ARHGEF9: variants seen among roughly 807,000 people sequenced by gnomAD.
The protein encoded by ARHGEF9 is rho guanine nucleotide exchange factor 9.
ARHGEF9 carries 2 observed loss-of-function variants against 41.3 expected under a neutral mutation model. That is an observed-to-expected ratio of 0.05 (90% CI 0.02 to 0.15). The LOEUF is 0.15. Among genes scored for constraint, ARHGEF9 ranks in the 10% least tolerant of loss-of-function variants. The pLI, the probability that ARHGEF9 is intolerant of heterozygous loss-of-function variation, is 1.00. For synonymous variants in ARHGEF9, 160 were observed against 154.4 expected (o/e 1.04, Z -0.27); for missense variants, 225 against 424.7 (o/e 0.53, Z 4.13).
intron 8 of ARHGEF9, among the ~76,000 whole-genome samples, chrX:63,654,796 T>A (rs1226015009): frequency 4.5e-5 from 5 of 111,839 alleles, no homozygotes; most frequent in African/African-American, 1.6e-4. Flanking sequence ...GTATTTTTTA[T>A]GACAGAAAGG....
At chrX:63,770,962 A>C (rs1556454461) in intron 1 of ARHGEF9, among the ~76,000 whole-genome samples, 1 of 112,587 alleles carries the variant, frequency 8.9e-6, no homozygotes, top group African/African-American at 3.2e-5. Flanking sequence ...CAGCAGCGTG[A>C]AAACAAACTA....
chrX:63,749,739 C>T (rs782163424), intron 1 of ARHGEF9, among the ~76,000 whole-genome samples: 1 of 112,518 alleles, frequency 8.9e-6, no homozygotes, highest in African/African-American at 3.2e-5. Flanking sequence ...CCTTCATAAA[C>T]GCTATAGGCC....
intron 4 of ARHGEF9, among the ~76,000 whole-genome samples, chrX:63,685,559 TAA>T (rs1556374647): frequency 8.9e-6 from 1 of 112,205 alleles, no homozygotes; most frequent in African/African-American, 3.2e-5. Context: ...CTATCTGATT[TAA>T]AGACTTGCTA....
chrX:63,704,514 G>A (rs144079962), intron 3 of ARHGEF9, among the ~76,000 whole-genome samples: 2,906 of 111,744 alleles, frequency 0.026, 103 homozygotes, highest in African/African-American at 0.089. Context: ...AGCACATTCC[G>A]AGGGGGAATT....
chrX:63,704,210 T>C (rs2052381446), intron 3 of ARHGEF9, among the ~76,000 whole-genome samples: 3 of 112,436 alleles, frequency 2.7e-5, no homozygotes, highest in Admixed American at 9.4e-5. Flanking sequence ...CTTAATTTTA[T>C]GAAAAACACT....
chrX:63,679,494 A>G (rs2050480454), intron 4 of ARHGEF9, among the ~76,000 whole-genome samples: 1 of 111,857 alleles, frequency 8.9e-6, no homozygotes, highest in African/African-American at 3.2e-5. Flanking sequence ...TAGAGTTGTT[A>G]TATAAGGGTT....
At chrX:63,693,255 C>T (rs781900540) in intron 4 of ARHGEF9, among the ~76,000 whole-genome samples, 2 of 111,643 alleles carry the variant, frequency 1.8e-5, no homozygotes, top group Non-Finnish European at 3.8e-5. Context: ...ATTTGGAATG[C>T]CCCCAACACA....
In ARHGEF9 at chrX:63,678,663, C is replaced by T. The variant is rs1556365611; in HGVS notation, c.583-91G>A. On this transcript the variant is annotated intron_variant, in intron 4 of 9. Transcript: ENST00000671741. Reference sequence around the variant, plus strand: ...TGGAAAGACAGATCATATTCTTAGGCAGAAATATTAAAATGATAATGAGTC... The same window carrying T: ...TGGAAAGACAGATCATATTCTTAGGTAGAAATATTAAAATGATAATGAGTC... 10 of 590,738 alleles carry T rather than the reference C, an allele frequency of 1.7e-5. No individual in the cohort carries two copies. The African/African-American group carries it at 2.3e-4, about 13-fold the overall frequency. 48.7% of individuals were successfully genotyped at this position (590,738 alleles called of 1,213,427 possible).
At chrX:63,696,984 CA>C in intron 4 of ARHGEF9, 140 bp downstream of exon 4, 1 of 611,652 alleles carries the variant, frequency 1.6e-6, no homozygotes, top group Non-Finnish European at 2.5e-6. Flanking sequence ...GGCTAGAGAC[CA>C]GGGGTCAAAA....
At chrX:63,683,635 C>T (rs1602386078) in intron 4 of ARHGEF9, among the ~76,000 whole-genome samples, 1 of 111,656 alleles carries the variant, frequency 9.0e-6, no homozygotes, top group Non-Finnish European at 1.9e-5. Context: ...CAGTATGGTA[C>T]TAGCATAAAA....
At chrX:63,649,442 G>A (rs1378859896) in intron 8 of ARHGEF9, among the ~76,000 whole-genome samples, 3 of 110,545 alleles carry the variant, frequency 2.7e-5, no homozygotes, top group African/African-American at 9.9e-5. Context: ...TCAAAGCAGT[G>A]TGTAGAGGGA....
chrX:63,689,898 G>C (rs2051230996), intron 4 of ARHGEF9, among the ~76,000 whole-genome samples: 1 of 111,903 alleles, frequency 8.9e-6, no homozygotes, highest in African/African-American at 3.2e-5. Context: ...TGAATGATCA[G>C]TGGGTAAATA....
chrX:63,700,607 G>A (rs1457002979), intron 3 of ARHGEF9, among the ~76,000 whole-genome samples: 1 of 111,910 alleles, frequency 8.9e-6, no homozygotes, highest in Non-Finnish European at 1.9e-5. Context: ...CACTGCAGGA[G>A]AGCAGAATTA....
At chrX:63,779,288 T>C (rs1447690137) in intron 1 of ARHGEF9, among the ~76,000 whole-genome samples, 1 of 112,326 alleles carries the variant, frequency 8.9e-6, no homozygotes, top group African/African-American at 3.2e-5. Flanking sequence ...AAATACCGGA[T>C]ACTAGGTAAT....
chrX:63,741,528 T>C (rs1354163244), intron 1 of ARHGEF9, among the ~76,000 whole-genome samples: 2 of 112,530 alleles, frequency 1.8e-5, no homozygotes, highest in African/African-American at 3.2e-5. Context: ...CATGTGGATA[T>C]GTCCCATAGG....
At chrX:63,678,706 T>G (rs1329588428) in intron 4 of ARHGEF9, 134 bp from the exon 5 acceptor site, 1 of 478,199 alleles carries the variant, frequency 2.1e-6, no homozygotes, top group Non-Finnish European at 3.6e-6. Flanking sequence ...CTTAAATTGA[T>G]TCATAATTTA....
intron 2 of ARHGEF9, among the ~76,000 whole-genome samples, chrX:63,713,765 G>A (rs144148769): frequency 9.1e-6 from 1 of 109,437 alleles, no homozygotes; most frequent in African/African-American, 3.4e-5. Context: ...CAGCTTTCAG[G>A]AGGATCAGAA....
intron 4 of ARHGEF9, among the ~76,000 whole-genome samples, chrX:63,679,299 C>T (rs1362486834): frequency 9.0e-6 from 1 of 111,031 alleles, no homozygotes; most frequent in Non-Finnish European, 1.9e-5. Context: ...TTGTATGGTT[C>T]TTATTTTTCA....
At chrX:63,781,685 C>T (rs2056383794) in intron 1 of ARHGEF9, among the ~76,000 whole-genome samples, 1 of 112,074 alleles carries the variant, frequency 8.9e-6, no homozygotes, top group African/African-American at 3.2e-5. Context: ...CCTTGTCCCA[C>T]TACAATTTAG....
Sources: gnomAD v4.1 joint callset for allele counts (sites outside exome capture counted in the v4.1 genomes callset) on GRCh38, gnomAD v4.1.1 for gene constraint, MANE v1.5 for transcripts, NCBI Gene and HGNC (gene_info 2026-07-23, HGNC 2026-07-21) for gene names.